SOX30: variants seen among roughly 807,000 people sequenced by gnomAD.
SOX30 encodes transcription factor SOX-30.
In SOX30, 17 loss-of-function variants were observed where a neutral mutation model predicts 58.6. The observed-to-expected ratio is 0.29, with a 90% CI of 0.20 to 0.44. The LOEUF (loss-of-function observed/expected upper bound fraction) is 0.44. SOX30 is among the 20% of genes least tolerant of loss of function. The pLI is 1.00. For synonymous variants in SOX30, 421 were observed against 400.2 expected, an observed-to-expected ratio of 1.05 and a Z score of -0.62; for missense variants, 951 against 965.8, an observed-to-expected ratio of 0.98 and a Z score of 0.20.
intron 3 of SOX30, among the ~76,000 whole-genome samples, chr5:157,640,928 G>C (rs1759046596): frequency 6.6e-6 from 1 of 152,076 alleles, no homozygotes; most frequent in African/African-American, 2.4e-5. Flanking sequence ...CACTCCCTTG[G>C]AGAGCCAGCC....
At chr5:157,632,996 C>T (rs1044486602) in intron 4 of SOX30, among the ~76,000 whole-genome samples, 3 of 151,868 alleles carry the variant, frequency 2.0e-5, no homozygotes, top group African/African-American at 7.3e-5. Flanking sequence ...GGCTGAGGCA[C>T]GAGAATCGCT....
In SOX30 at chr5:157,638,598, G is replaced by C. The variant is rs375191492; in HGVS notation, c.1512C>G (p.Val504=). The stretch of plus-strand genomic sequence containing the variant: ...AGCGTTGGGGTGGGAGTGCTGGATA[G>C]ACAGGTAGACTTGGATCCTGGACAG... ...QVAVQDPSLP[V]YPALPPQRFT... Residue 504 remains valine (V), a synonymous_variant, in exon 4 of 5, where the codon GTC becomes GTG. Transcript: ENST00000265007. The C allele has an allele frequency of 3.1e-6, 5 of 1,614,040 alleles. No individual in the cohort carries two copies. The African/African-American group carries it at 6.7e-5, about 22-fold the overall frequency.
intron 3 of SOX30, among the ~76,000 whole-genome samples, chr5:157,641,827 A>C (rs777267637): frequency 6.6e-6 from 1 of 152,224 alleles, no homozygotes; most frequent in Non-Finnish European, 1.5e-5. Flanking sequence ...AGGCAAACAA[A>C]TGTGCCACTG....
Position 157,651,789 on chromosome 5 carries a change from T to C in SOX30, c.290A>G (p.Gln97Arg), listed in dbSNP as rs768114157. ...QNEEAAASSA[Q>R]ARLLQFRPDL... ...GGGCCTGAACTGCAACAGCCGCGCC[T>C]GCGCGGACGAGGCAGCGGCTTCCTC... is the stretch of plus-strand genomic sequence containing the variant. Residue 97 changes from glutamine to arginine, a missense_variant, in exon 1 of 5, where the codon CAG becomes CGG. Gln to Arg is a conservative substitution (Grantham distance 43, BLOSUM62 1). Coordinates refer to ENST00000265007, the MANE Select transcript of SOX30 (RefSeq NM_178424.2). 1.3e-6 allele frequency: 2 copies of C among 1,572,860 alleles called. No homozygotes were observed. The highest frequency in any genetic ancestry group is 2.3e-5 in the South Asian group (2 of 87,204).
intron 1 of SOX30, among the ~76,000 whole-genome samples, chr5:157,650,338 A>G (rs1243713622): frequency 6.6e-6 from 1 of 152,146 alleles, no homozygotes; most frequent in Non-Finnish European, 1.5e-5. Context: ...AAAAAACAAT[A>G]AAACATAAAG....
chr5:157,626,602 T>C lies in SOX30; in HGVS notation c.2000A>G (p.Asn667Ser), dbSNP rs142156325. ...PKHEGIFSTLNRDYSFRDYSS... is the reference protein window; with the variant it reads ...PKHEGIFSTLSRDYSFRDYSS... Reference sequence around the variant, plus strand: ...GTAGTCTCTAAAAGAATAGTCTCTATTTAAAGTTGAAAAGATACCCTCATG... The same window carrying C: ...GTAGTCTCTAAAAGAATAGTCTCTACTTAAAGTTGAAAAGATACCCTCATG... The change falls in exon 5 of 5, where the codon AAT becomes AGT. Residue 667 changes from asparagine to serine, a missense_variant. Physicochemically the swap from Asn to Ser is conservative, Grantham distance 46. This residue lies in a region of SOX30 where 381 missense variants were observed against 390.0 expected (regional missense o/e 0.98). Transcript: ENST00000265007. 3,712 of 1,614,228 alleles carry C rather than the reference T, an allele frequency of 2.3e-3. 6 individuals carry two copies. Among genetic ancestry groups the C allele is most frequent in the Middle Eastern group, 0.012 (70 of 6,062 alleles).
At chr5:157,650,778 A>G (rs933142320) in intron 1 of SOX30, among the ~76,000 whole-genome samples, 3 of 152,188 alleles carry the variant, frequency 2.0e-5, no homozygotes, top group Non-Finnish European at 2.9e-5. Context: ...TTATACTACA[A>G]TATTTTTAAT....
chr5:157,665,526 C>G (rs914852566), intron 2 of SOX30, among the ~76,000 whole-genome samples: 9 of 151,460 alleles, frequency 5.9e-5, no homozygotes, highest in Non-Finnish European at 1.2e-4. Context: ...TGCAGCACAC[C>G]AACATGGCAC....
At chr5:157,670,191 G>A (rs1759750942) in intron 1 of SOX30, among the ~76,000 whole-genome samples, 1 of 152,218 alleles carries the variant, frequency 6.6e-6, no homozygotes, top group Non-Finnish European at 1.5e-5. Context: ...GCTCTTGAGG[G>A]TAAGGGTAGT....
Position 157,666,928 on chromosome 5 carries a change from A to G in SOX30, c.52+870T>C, listed in dbSNP as rs181277512. 2.8e-3 allele frequency among the ~76,000 whole-genome samples: 428 copies of G among 152,228 alleles called. 1 individual carries two copies. Among genetic ancestry groups the G allele is most frequent in the Middle Eastern group, 6.8e-3 (2 of 294 alleles). The stretch of plus-strand genomic sequence containing the variant: ...ATCATGTTGGCCAGGCTGGTCTCCA[A>G]CTTCTGACCTCAGGTAATCCACCTG... On this transcript the variant is annotated intron_variant, in intron 2 of 5. Coordinates refer to the SOX30 transcript ENST00000519442.
At chr5:157,655,140 T>TGGG (rs1759448029), upstream of SOX30, among the ~76,000 whole-genome samples, 1 of 152,044 alleles carries the variant, frequency 6.6e-6, no homozygotes, top group Non-Finnish European at 1.5e-5. Context: ...CCCCAGTAAG[T>TGGG]GGTGAGGTCC....
chr5:157,654,891 TATC>T (rs1380808314), upstream of SOX30, among the ~76,000 whole-genome samples: 4 of 152,232 alleles, frequency 2.6e-5, no homozygotes, highest in Admixed American at 2.6e-4. Flanking sequence ...TTGTTTAGCT[TATC>T]ATCAAGAAAT....
chr5:157,642,058 G>GTA (rs1759075992), intron 3 of SOX30, among the ~76,000 whole-genome samples: 1 of 152,184 alleles, frequency 6.6e-6, no homozygotes, highest in Admixed American at 6.5e-5. Flanking sequence ...GCTCATGCCT[G>GTA]TAATCCCTGC....
intron 4 of SOX30, among the ~76,000 whole-genome samples, chr5:157,631,053 A>ATATATACAATATATATATTGTGTG (rs1561578497): frequency 2.0e-4 from 9 of 45,800 alleles, no homozygotes; most frequent in African/African-American, 5.7e-4. Context: ...TATTTTATAT[A>ATATATACAATATATATATTGTGTG]TATATATATA....
In SOX30 at chr5:157,638,149, C is replaced by A. The variant is rs140733737; in HGVS notation, c.1880+81G>T. ...AAGTCTGCTTTTCAGTATTTAAAAACAAATAAACAAAAAAATGTTGTCACA... is the reference window on the plus strand; with the variant it reads ...AAGTCTGCTTTTCAGTATTTAAAAAAAAATAAACAAAAAAATGTTGTCACA... On this transcript the variant is annotated intron_variant, in intron 4 of 4. Transcript: ENST00000265007. 5.1e-6 allele frequency: 7 copies of A among 1,381,090 alleles called. No homozygotes were observed. In the African/African-American group the frequency reaches 8.7e-5, roughly 17 times the overall value. 85.6% of individuals were successfully genotyped at this position (1,381,090 alleles called of 1,614,324 possible).
intron 4 of SOX30, among the ~76,000 whole-genome samples, chr5:157,629,808 G>A (rs1276388863): frequency 5.3e-5 from 8 of 152,098 alleles, no homozygotes; most frequent in Admixed American, 2.0e-4. Flanking sequence ...TAAGTAACTC[G>A]CTCAAAGTGA....
chr5:157,651,233 C>T lies in SOX30; in HGVS notation c.846G>A (p.Glu282=). The T allele has an allele frequency of 6.2e-7, 1 of 1,614,130 alleles. No individual in the cohort carries two copies. The highest frequency in any genetic ancestry group is 8.5e-7 in the Non-Finnish European group (1 of 1,180,012). Residue 282 remains glutamate, a synonymous_variant, in exon 1 of 5, where the codon GAG becomes GAA. Coordinates refer to ENST00000265007, the MANE Select transcript of SOX30 (RefSeq NM_178424.2). Reference sequence around the variant, plus strand: ...GGGGGACCTTGGTCAATCTTATCAGCTCTGAAGGCGGAGCTCCCTGAAACT... The same window carrying T: ...GGGGGACCTTGGTCAATCTTATCAGTTCTGAAGGCGGAGCTCCCTGAAACT... The part of the protein sequence containing the change: ...RIQFQGAPPS[E]LIRLTKVPLT...
chr5:157,633,123 T>C (rs2113834855), intron 4 of SOX30, among the ~76,000 whole-genome samples: 1 of 152,292 alleles, frequency 6.6e-6, no homozygotes, highest in South Asian at 2.1e-4. Flanking sequence ...GAGGTTTTAG[T>C]TTCAGTACCT....
At chr5:157,639,316 G>A (rs2113839647) in intron 3 of SOX30, among the ~76,000 whole-genome samples, 2 of 151,718 alleles carry the variant, frequency 1.3e-5, no homozygotes, top group South Asian at 4.2e-4. Context: ...ATATTACTAG[G>A]GGTTTCAGAG....
Sources: gnomAD v4.1 joint callset for allele counts (sites outside exome capture counted in the v4.1 genomes callset) on GRCh38, gnomAD v4.1.1 for gene constraint, gnomAD v4.1.1 regional missense constraint, MANE v1.5 for transcripts, NCBI Gene and HGNC (gene_info 2026-07-23, HGNC 2026-07-21) for gene names.